Variants in HCRTR2 observed in about 807,000 individuals in gnomAD.
The protein encoded by HCRTR2 is orexin receptor type 2.
HCRTR2 carries 22 observed loss-of-function variants against 49.0 expected under a neutral mutation model. The ratio of observed to expected loss-of-function variants is 0.45; its 90% CI spans 0.32 to 0.64. The LOEUF is 0.64. HCRTR2 is among the 30% of genes least tolerant of loss of function. The pLI, the probability that HCRTR2 is intolerant of heterozygous loss-of-function variation, is 0.04. For missense variants in HCRTR2, 491 were observed against 559.4 expected (o/e 0.88, Z 1.23); for synonymous variants, 236 against 205.3 (o/e 1.15, Z -1.28).
intron 1 of HCRTR2, among the ~76,000 whole-genome samples, chr6:55,127,416 C>T (rs763023938): frequency 6.6e-6 from 1 of 152,056 alleles, no homozygotes; most frequent in African/African-American, 2.4e-5. Context: ...CAACCTGCCC[C>T]AATGAGATGA....
chr6:55,246,013 G>A (rs1207698231), intron 1 of HCRTR2, among the ~76,000 whole-genome samples: 1 of 151,952 alleles, frequency 6.6e-6, no homozygotes, highest in Non-Finnish European at 1.5e-5. Context: ...GCCATGTGAA[G>A]ATAGAAACAC....
intron 4 of HCRTR2, among the ~76,000 whole-genome samples, chr6:55,266,746 A>G (rs950756517): frequency 3.3e-5 from 5 of 152,120 alleles, no homozygotes; most frequent in African/African-American, 1.2e-4. Context: ...CCATGATACC[A>G]TGGTTACCCT....
At chr6:55,164,772 A>T (rs948585669) in intron 1 of HCRTR2, among the ~76,000 whole-genome samples, 1 of 98,160 alleles carries the variant, frequency 1.0e-5, no homozygotes, top group Admixed American at 9.5e-5. Context: ...TTAAAGTATT[A>T]AAAAAAAAAG....
upstream of HCRTR2, among the ~76,000 whole-genome samples, chr6:55,171,086 T>G (rs981341103): frequency 2.6e-5 from 4 of 152,086 alleles, no homozygotes; most frequent in African/African-American, 7.2e-5. Context: ...TAATCCTTTG[T>G]GTATATACCC....
chr6:55,142,981 G>A (rs1764529089), intron 1 of HCRTR2, among the ~76,000 whole-genome samples: 1 of 73,292 alleles, frequency 1.4e-5, no homozygotes, highest in Non-Finnish European at 2.6e-5. Flanking sequence ...ATGATAGAAA[G>A]ATGATAGATG....
At chr6:55,132,601 C>G (rs1043799058) in intron 1 of HCRTR2, among the ~76,000 whole-genome samples, 56 of 151,828 alleles carry the variant, frequency 3.7e-4, no homozygotes, top group African/African-American at 1.3e-3. Flanking sequence ...AACAGTTATT[C>G]AAAGATGAGC....
intron 1 of HCRTR2, among the ~76,000 whole-genome samples, chr6:55,129,710 T>G (rs1276799753): frequency 6.6e-6 from 1 of 152,040 alleles, no homozygotes; most frequent in Non-Finnish European, 1.5e-5. Context: ...CTGGTTCTCC[T>G]GATGCCAGTC....
chr6:55,128,007 C>A (rs1282387229), intron 1 of HCRTR2, among the ~76,000 whole-genome samples: 1 of 152,104 alleles, frequency 6.6e-6, no homozygotes, highest in Non-Finnish European at 1.5e-5. Context: ...TATTCCTATG[C>A]CCTGAATGGT....
At chr6:55,191,688 A>G (rs1765317986) in intron 1 of HCRTR2, among the ~76,000 whole-genome samples, 1 of 152,178 alleles carries the variant, frequency 6.6e-6, no homozygotes, top group Non-Finnish European at 1.5e-5. Flanking sequence ...AATATTGAAG[A>G]TATGGAAGTG....
In HCRTR2 at chr6:55,280,304, G is replaced by T. The variant is rs780903591; in HGVS notation, c.984-19G>T. On this transcript the variant is annotated intron_variant, in intron 5 of 6. Coordinates refer to ENST00000370862, the MANE Select transcript of HCRTR2 (RefSeq NM_001384272.1). Reference sequence around the variant, plus strand: ...TTAATTATTTAAAAGACACTTTTCTGTTGTTTCTTTTCCTGCAGAGTATTT... The same window carrying T: ...TTAATTATTTAAAAGACACTTTTCTTTTGTTTCTTTTCCTGCAGAGTATTT... 1.5e-5 allele frequency: 22 copies of T among 1,483,800 alleles called. 1 individual carries two copies. The South Asian group carries it at 2.0e-4, about 14-fold the overall frequency. 91.9% of individuals were successfully genotyped at this position (1,483,800 alleles called of 1,614,324 possible).
At position 55,214,527 on chromosome 6, in the gene HCRTR2, G is replaced by T. The variant is rs576337606; in HGVS notation, c.224-34112G>T. ...TTATTTTTTTATTTTTTTTCGTAGA[G>T]ATGTGGTCTCACTTTGTTGTTCAGG... On this transcript the variant is annotated intron_variant, in intron 1 of 6. Transcript: ENST00000370862. Among the ~76,000 whole-genome samples the T allele has an allele frequency of 3.2e-4, 49 of 151,808 alleles. No homozygotes were observed. The East Asian group carries it at 8.6e-3, about 27-fold the overall frequency.
intron 4 of HCRTR2, among the ~76,000 whole-genome samples, chr6:55,276,687 A>G (rs1317053419): frequency 1.3e-5 from 2 of 152,230 alleles, no homozygotes. Flanking sequence ...AAGTTGTGTA[A>G]TTACTGTTAC....
At chr6:55,154,817 C>G (rs1037239150) in intron 1 of HCRTR2, among the ~76,000 whole-genome samples, 1 of 151,618 alleles carries the variant, frequency 6.6e-6, no homozygotes, top group Admixed American at 6.6e-5. Context: ...CTTAAAGATT[C>G]CACAAAAACA....
intron 3 of HCRTR2, among the ~76,000 whole-genome samples, chr6:55,262,693 G>T (rs1219469626): frequency 7.3e-6 from 1 of 137,666 alleles, no homozygotes. Flanking sequence ...TATTATGTAG[G>T]GAATCTGAAT....
chr6:55,185,762 G>A (rs964464051), intron 1 of HCRTR2, among the ~76,000 whole-genome samples: 2 of 152,198 alleles, frequency 1.3e-5, no homozygotes, highest in African/African-American at 2.4e-5. Flanking sequence ...ATAAGTCCTT[G>A]AATTAACAGC....
intron 1 of HCRTR2, among the ~76,000 whole-genome samples, chr6:55,107,844 A>G (rs1443908682): frequency 6.6e-6 from 1 of 152,132 alleles, no homozygotes; most frequent in Non-Finnish European, 1.5e-5. Context: ...TTTTACTCAC[A>G]GTCAGCCTCT....
At chr6:55,223,696 C>G (rs923195350) in intron 1 of HCRTR2, among the ~76,000 whole-genome samples, 1 of 151,868 alleles carries the variant, frequency 6.6e-6, no homozygotes, top group Non-Finnish European at 1.5e-5. Context: ...ATATGGCGGG[C>G]TATCACTCCA....
At chr6:55,228,825 C>A (rs1008508712) in intron 1 of HCRTR2, among the ~76,000 whole-genome samples, 5 of 152,098 alleles carry the variant, frequency 3.3e-5, no homozygotes, top group African/African-American at 9.7e-5. Context: ...GTTTTTTAAT[C>A]CTATTTTTTG....
chr6:55,262,257 C>T (rs921201219), intron 3 of HCRTR2, among the ~76,000 whole-genome samples: 5 of 146,822 alleles, frequency 3.4e-5, no homozygotes, highest in South Asian at 4.2e-4. Flanking sequence ...CAAAACCTAT[C>T]GGAATAAAAA....
Sources: gnomAD v4.1 joint callset for allele counts (sites outside exome capture counted in the v4.1 genomes callset) on GRCh38, gnomAD v4.1.1 for gene constraint, MANE v1.5 for transcripts, NCBI Gene and HGNC (gene_info 2026-07-23, HGNC 2026-07-21) for gene names.